DEPDC7: variants seen among roughly 807,000 people sequenced by gnomAD.
DEPDC7 encodes DEP domain-containing protein 7.
In DEPDC7, 41 loss-of-function variants were observed where a neutral mutation model predicts 56.6. The ratio of observed to expected loss-of-function variants is 0.72; its 90% CI spans 0.56 to 0.94. The LOEUF is 0.94. Among genes scored for constraint, DEPDC7 ranks in the 40% least tolerant of loss-of-function variants. The probability of loss-of-function intolerance (pLI) is 0.00; values close to 1 mark genes in which losing one functional copy is unlikely to be tolerated. For synonymous variants in DEPDC7, 185 were observed against 208.8 expected (o/e 0.89, Z 0.98); for missense variants, 522 against 596.3 (o/e 0.88, Z 1.30).
In DEPDC7 at chr11:33,028,688, G is replaced by A; in HGVS notation, c.678G>A (p.Gln226=). The A allele has an allele frequency of 6.2e-7, 1 of 1,613,942 alleles. No individual in the cohort carries two copies. The highest frequency in any genetic ancestry group is 1.7e-5 in the Admixed American group (1 of 59,956). Residue 226 remains glutamine, a synonymous_variant, in exon 4 of 9, where the codon CAG becomes CAA. Transcript: ENST00000241051. ...CACTTCTTGACTCCTTACTGAAACA[G>A]CAAGAGGCTGTACCTAAAATTCCTC... ...DLPLLDSLLK[Q]QEAVPKIPQP...
chr11:33,021,966 C>T (rs1399878431), intron 1 of DEPDC7, among the ~76,000 whole-genome samples: 1 of 152,184 alleles, frequency 6.6e-6, no homozygotes, highest in African/African-American at 2.4e-5. Context: ...CCTCTCACCG[C>T]CCTCTTCAGC....
At chr11:33,032,003 A>G (rs983820140) in intron 5 of DEPDC7, among the ~76,000 whole-genome samples, 1 of 152,214 alleles carries the variant, frequency 6.6e-6, no homozygotes, top group African/African-American at 2.4e-5. Context: ...ATTTTTCTCA[A>G]GGAGAGTTGG....
chr11:33,018,099 CT>C (rs1172693927), intron 1 of DEPDC7, among the ~76,000 whole-genome samples: 1 of 152,178 alleles, frequency 6.6e-6, no homozygotes, highest in African/African-American at 2.4e-5. Flanking sequence ...CTGCAGCCTT[CT>C]TTTCAGAGGC....
At chr11:33,027,963 C>T in intron 3 of DEPDC7, 150 bp downstream of exon 3, 1 of 718,602 alleles carries the variant, frequency 1.4e-6, no homozygotes, top group Non-Finnish European at 2.0e-6. Context: ...TCAATTTTAA[C>T]AGAAGTCTAT....
chr11:33,027,930 C>A, intron 3 of DEPDC7, 117 bp downstream of exon 3: 2 of 1,058,886 alleles, frequency 1.9e-6, no homozygotes, highest in Non-Finnish European at 2.6e-6. Flanking sequence ...AAAGAGTGCA[C>A]TATGTATTAA....
chr11:33,033,397 T>C lies in DEPDC7; in HGVS notation c.1478T>C (p.Leu493Ser). The change falls in exon 9 of 9, where the codon TTG becomes TCG. Residue 493 changes from leucine to serine, a missense_variant. Transcript: ENST00000241051. ...CTTTCTGCCAAAGAGAAGAAAAAAT[T>C]GCTAGGTCAATTCTATAAGTGTCAC... ...SKLSAKEKKK[L>S]LGQFYKCHPD... 6.2e-7 allele frequency: 1 copy of C among 1,610,676 alleles called. No individual in the cohort carries two copies. The highest frequency in any genetic ancestry group is 8.5e-7 in the Non-Finnish European group (1 of 1,179,048).
At position 33,018,155 on chromosome 11, in the gene DEPDC7, A is replaced by C. The variant is rs751824244; in HGVS notation, c.73+2127A>C. Among the ~76,000 whole-genome samples, 81 of 152,238 alleles carry C rather than the reference A, an allele frequency of 5.3e-4. 2 individuals are homozygous for C. Among genetic ancestry groups the C allele is most frequent in the Non-Finnish European group, 1.2e-4 (8 of 68,050 alleles). ...ACGCCTCTAATGCCAACTAGCAGGA[A>C]AATAAACTTTGGACTACCAGAACCA... On this transcript the variant is annotated intron_variant, in intron 1 of 8. Coordinates refer to ENST00000241051, the MANE Select transcript of DEPDC7 (RefSeq NM_001077242.2).
At chr11:33,023,514 G>A (rs1336918423) in intron 1 of DEPDC7, among the ~76,000 whole-genome samples, 2 of 152,116 alleles carry the variant, frequency 1.3e-5, no homozygotes, top group South Asian at 2.1e-4. Context: ...TATGGCTCTA[G>A]TGCACTAAGA....
chr11:33,026,104 T>A (rs751595199), intron 2 of DEPDC7, 55 bp downstream of exon 2: 1 of 1,576,412 alleles, frequency 6.3e-7, no homozygotes, highest in Non-Finnish European at 8.7e-7. Context: ...TTGTCTACCT[T>A]TTTATGAGAT....
rs759190496 is a variant in DEPDC7, at chr11:33,032,296, AT to A, written c.995-37del. On this transcript the variant is annotated intron_variant, in intron 5 of 8. Coordinates refer to ENST00000241051, the MANE Select transcript of DEPDC7 (RefSeq NM_001077242.2). ...GTTTTGTTCCCTTTAATATAGTCAT[AT>A]TTGGTCAATTAAAAGCAGTTTTTTT... is the stretch of plus-strand genomic sequence containing the variant. 27 of 1,532,478 alleles carry A rather than the reference AT, an allele frequency of 1.8e-5. No individual in the cohort carries two copies. In the South Asian group the frequency reaches 3.5e-4, roughly 20 times the overall value. The allele number at this position is 1,532,478 out of a possible 1,614,324, so 94.9% of individuals were successfully genotyped here. A position where few individuals can be genotyped will look rare whatever the true frequency, so the allele number is the denominator to read the frequency against.
At chr11:33,026,953 T>TA (rs1251871917) in intron 2 of DEPDC7, among the ~76,000 whole-genome samples, 2 of 152,128 alleles carry the variant, frequency 1.3e-5, no homozygotes, top group Non-Finnish European at 2.9e-5. Flanking sequence ...TGACCCAAAC[T>TA]AAAACATGAT....
Position 33,026,026 on chromosome 11 carries a change from G to T in DEPDC7, c.441G>T (p.Glu147Asp). The change falls in exon 2 of 9, where the codon GAG becomes GAT. Residue 147 changes from glutamate to aspartate, a missense_variant. Glu to Asp is a conservative substitution (Grantham distance 45). Transcript: ENST00000241051. ...ACCAAGACAGTCAGTTAGGCAAAGA[G>T]AACAAACTATATTCACCTGCCAGGT... is the stretch of plus-strand genomic sequence containing the variant. ...IPNQDSQLGK[E>D]NKLYSPARYA... 1.2e-6 allele frequency: 2 copies of T among 1,613,960 alleles called. No individual in the cohort carries two copies. The highest frequency in any genetic ancestry group is 2.2e-5 in the East Asian group (1 of 44,874).
Position 33,032,323 on chromosome 11 carries a change from C to G in DEPDC7, c.995-13C>G, listed in dbSNP as rs746866015. 20 of 1,549,108 alleles carry G rather than the reference C, an allele frequency of 1.3e-5. No individual in the cohort carries two copies. Among genetic ancestry groups the G allele is most frequent in the Non-Finnish European group, 1.6e-5 (18 of 1,160,008 alleles). The stretch of plus-strand genomic sequence containing the variant: ...TTGGTCAATTAAAAGCAGTTTTTTT[C>G]TTTTGGCTAAAGTGAATGGGAAGAC... On this transcript the variant is annotated splice_polypyrimidine_tract_variant and intron_variant, in intron 5 of 8. Transcript: ENST00000241051.
chr11:33,015,892 G>C lies in DEPDC7; in HGVS notation c.-64G>C. 6.7e-7 allele frequency: 1 copy of C among 1,488,614 alleles called. No individual in the cohort carries two copies. Among genetic ancestry groups the C allele is most frequent in the Non-Finnish European group, 9.1e-7 (1 of 1,102,746 alleles). The allele number at this position is 1,488,614 out of a possible 1,614,324, so 92.2% of individuals were successfully genotyped here. On this transcript the variant is annotated 5_prime_UTR_variant, in exon 1 of 9. Coordinates refer to ENST00000241051, the MANE Select transcript of DEPDC7 (RefSeq NM_001077242.2). The stretch of plus-strand genomic sequence containing the variant: ...CCACGCCCCGCACAGTTAACAGACG[G>C]GCGCTCAGGGAGCTAGGGAGCTGTG...
At chr11:33,022,705 C>T (rs1389997070) in intron 1 of DEPDC7, among the ~76,000 whole-genome samples, 1 of 152,134 alleles carries the variant, frequency 6.6e-6, no homozygotes, top group East Asian at 1.9e-4. Context: ...ACAACTACTC[C>T]TGAGTTCTGG....
At chr11:33,019,536 C>T (rs558679068) in intron 1 of DEPDC7, among the ~76,000 whole-genome samples, 4 of 152,050 alleles carry the variant, frequency 2.6e-5, no homozygotes, top group African/African-American at 9.7e-5. Flanking sequence ...TGTAGTGGCG[C>T]ACACCTGTAA....
chr11:33,032,254 C>A, intron 5 of DEPDC7, 82 bp from the exon 6 acceptor site: 1 of 1,303,656 alleles, frequency 7.7e-7, no homozygotes, highest in Non-Finnish European at 1.0e-6. Context: ...CACTTTTTAA[C>A]TCAAACTGTA....
chr11:33,032,217 G>A, intron 5 of DEPDC7, 119 bp from the exon 6 acceptor site: 1 of 915,912 alleles, frequency 1.1e-6, no homozygotes, highest in Non-Finnish European at 1.6e-6. Context: ...TCTTGCTTTT[G>A]CTTTTGGAAA....
intron 3 of DEPDC7, 25 bp from the exon 4 acceptor site, chr11:33,028,578 T>G: frequency 6.4e-7 from 1 of 1,551,024 alleles, no homozygotes; most frequent in Non-Finnish European, 8.7e-7. Flanking sequence ...TTGTTACTTT[T>G]CACCTTGTCA....
Sources: allele counts gnomAD v4.1 joint callset (sites outside exome capture counted in the v4.1 genomes callset), GRCh38; gene constraint gnomAD v4.1.1; transcripts MANE v1.5; gene names NCBI Gene and HGNC (gene_info 2026-07-23, HGNC 2026-07-21).